The following CSMD1 variants were observed in gnomAD, a reference collection of about 807,000 sequenced individuals.
The protein encoded by CSMD1 is CUB and Sushi multiple domains 1.
In CSMD1, 213 loss-of-function variants were observed where a neutral mutation model predicts 417.5. The ratio of observed to expected loss-of-function variants is 0.51; its 90% confidence interval spans 0.46 to 0.57. The LOEUF (loss-of-function observed/expected upper bound fraction) is 0.57, where lower values mean the gene tolerates loss of function less well. CSMD1 is among the 20% of genes least tolerant of loss of function. The pLI is 0.00. For missense variants in CSMD1, 6,923 were observed against 4,529.7 expected (o/e 1.53, Z -15.17); for synonymous variants, 2,862 against 1,736.8 (o/e 1.65, Z -16.11).
intron 3 of CSMD1, among the ~76,000 whole-genome samples, chr8:4,332,499 C>A (rs980053428): frequency 2.7e-5 from 4 of 149,672 alleles, no homozygotes; most frequent in African/African-American, 9.8e-5. Flanking sequence ...AGGAGCTCTT[C>A]TTCTGGTTTT....
At chr8:3,400,606 G>T (rs1403327528) in intron 15 of CSMD1, among the ~76,000 whole-genome samples, 1 of 151,946 alleles carries the variant, frequency 6.6e-6, no homozygotes, top group Non-Finnish European at 1.5e-5. Context: ...AAATATATTT[G>T]AAGTAACGTT....
chr8:3,099,980 A>G (rs1815612993), intron 46 of CSMD1, among the ~76,000 whole-genome samples: 1 of 152,106 alleles, frequency 6.6e-6, no homozygotes, highest in Admixed American at 6.5e-5. Flanking sequence ...TACTTTTTTC[A>G]GTCATACATA....
At chr8:4,544,237 T>C (rs939383805) in intron 2 of CSMD1, among the ~76,000 whole-genome samples, 15 of 152,210 alleles carry the variant, frequency 9.9e-5, no homozygotes, top group South Asian at 2.1e-4. Flanking sequence ...TGTGTGGTTA[T>C]ATAGTCTCGC....
chr8:3,063,573 G>A (rs925013276), intron 49 of CSMD1, among the ~76,000 whole-genome samples: 2 of 152,142 alleles, frequency 1.3e-5, no homozygotes, highest in Non-Finnish European at 2.9e-5. Context: ...AAATATGAAA[G>A]CAATCGAAGT....
At chr8:3,983,040 G>A (rs188931849) in intron 5 of CSMD1, among the ~76,000 whole-genome samples, 23 of 152,136 alleles carry the variant, frequency 1.5e-4, no homozygotes, top group Admixed American at 3.3e-4. Flanking sequence ...ATGGGGCCGG[G>A]ATCCCAATCC....
At chr8:3,900,570 T>C (rs1229877222) in intron 5 of CSMD1, among the ~76,000 whole-genome samples, 1 of 151,934 alleles carries the variant, frequency 6.6e-6, no homozygotes, top group Non-Finnish European at 1.5e-5. Context: ...TGGGTGATAC[T>C]GTAGCTGGAT....
rs181630009 is a variant in CSMD1, at chr8:3,090,308, C to A, written c.7285+1208G>T. Among the ~76,000 whole-genome samples, 241 of 79,244 alleles carry A rather than the reference C, an allele frequency of 3.0e-3. 3 individuals are homozygous for A. In the East Asian group the frequency reaches 0.086, roughly 28 times the overall value. 52.0% of individuals were successfully genotyped at this position (79,244 alleles called of 152,430 possible). A position where few individuals can be genotyped will look rare whatever the true frequency, so the allele number is the denominator to read the frequency against. ...CTCCAGCCTGGGCAACAGAGCCAGA[C>A]TGTATTTCAAAAAAAAAAAAAAAAA... On this transcript the variant is annotated intron_variant, in intron 48 of 69. Coordinates refer to ENST00000635120, the MANE Select transcript of CSMD1 (RefSeq NM_033225.6).
chr8:3,151,577 A>C lies in CSMD1; in HGVS notation c.5915-64T>G. Reference sequence around the variant, plus strand: ...CTTTCTCCCTGGAATCTTTGCTCCAACCTGCTTCACTCAACTATGCTGAGA... The same window carrying C: ...CTTTCTCCCTGGAATCTTTGCTCCACCCTGCTTCACTCAACTATGCTGAGA... On this transcript the variant is annotated intron_variant, in intron 39 of 69. Transcript: ENST00000635120. 3.0e-6 allele frequency: 3 copies of C among 999,522 alleles called. 1 individual carries two copies. Among genetic ancestry groups the C allele is most frequent in the Middle Eastern group, 4.1e-4 (2 of 4,866 alleles). The allele number at this position is 999,522 out of a possible 1,614,324, so 61.9% of individuals were successfully genotyped here. A position where few individuals can be genotyped will look rare whatever the true frequency, so the allele number is the denominator to read the frequency against.
At chr8:4,426,075 A>G (rs1052968208) in intron 2 of CSMD1, among the ~76,000 whole-genome samples, 3 of 150,750 alleles carry the variant, frequency 2.0e-5, no homozygotes, top group African/African-American at 7.4e-5. Context: ...CCATAAATAA[A>G]AGGAATTATT....
At chr8:3,774,490 TTAAA>T (rs746481800) in intron 5 of CSMD1, among the ~76,000 whole-genome samples, 1 of 152,144 alleles carries the variant, frequency 6.6e-6, no homozygotes, top group African/African-American at 2.4e-5. Context: ...AGAGAGACGG[TTAAA>T]TAAATAAATA....
intron 3 of CSMD1, among the ~76,000 whole-genome samples, chr8:4,140,805 G>T (rs36077441): frequency 6.6e-6 from 1 of 150,478 alleles, no homozygotes; most frequent in Non-Finnish European, 1.5e-5. Flanking sequence ...TTTTCTAAGC[G>T]TGTAAATGGG....
At chr8:3,837,659 A>G (rs932504961) in intron 5 of CSMD1, among the ~76,000 whole-genome samples, 1 of 152,166 alleles carries the variant, frequency 6.6e-6, no homozygotes, top group Non-Finnish European at 1.5e-5. Flanking sequence ...ATCCCATCCT[A>G]CATAGGCACA....
intron 41 of CSMD1, among the ~76,000 whole-genome samples, chr8:3,140,327 T>TTCTCTC (rs531790394): frequency 7.5e-6 from 1 of 134,026 alleles, no homozygotes; most frequent in Admixed American, 7.5e-5. Flanking sequence ...CTCTCTGATG[T>TTCTCTC]TCTCTCTCTC....
intron 1 of CSMD1, among the ~76,000 whole-genome samples, chr8:4,705,139 A>G (rs2116836859): frequency 6.6e-6 from 1 of 152,204 alleles, no homozygotes; most frequent in Non-Finnish European, 1.5e-5. Context: ...CCACCTTGTG[A>G]AGAAGGTTCC....
intron 26 of CSMD1, 93 bp downstream of exon 26, chr8:3,284,050 TA>T: frequency 9.6e-7 from 1 of 1,043,408 alleles, no homozygotes; most frequent in Non-Finnish European, 1.4e-6. Context: ...TGCATCTGTG[TA>T]AGGAGACGCT....
At chr8:4,176,814 C>A (rs28553312) in intron 3 of CSMD1, among the ~76,000 whole-genome samples, 141,796 of 144,422 alleles carry the variant, frequency 0.98, 69,664 homozygotes, top group Middle Eastern at 1. Flanking sequence ...AAACCAACAA[C>A]GATCAAAAGA....
At chr8:4,003,907 C>G (rs1815899154) in intron 4 of CSMD1, among the ~76,000 whole-genome samples, 1 of 150,586 alleles carries the variant, frequency 6.6e-6, no homozygotes, top group Non-Finnish European at 1.5e-5. Flanking sequence ...TCACAGCTAC[C>G]AAAAGAGAAA....
chr8:4,088,738 G>C lies in CSMD1; in HGVS notation c.416-56639C>G, dbSNP rs187879196. Among the ~76,000 whole-genome samples the C allele has an allele frequency of 2.6e-4, 40 of 152,046 alleles. 1 individual carries two copies. In the Middle Eastern group the frequency reaches 0.014, roughly 52 times the overall value. On this transcript the variant is annotated intron_variant, in intron 3 of 69. Coordinates refer to ENST00000635120, the MANE Select transcript of CSMD1 (RefSeq NM_033225.6). ...AAAGCTCTGCAGGGACTTCTCTAAG[G>C]TGAGATCCCACCACCATTTATTCCA...
At chr8:3,233,929 A>C (rs999417524) in intron 26 of CSMD1, among the ~76,000 whole-genome samples, 1 of 152,122 alleles carries the variant, frequency 6.6e-6, no homozygotes, top group Non-Finnish European at 1.5e-5. Flanking sequence ...TCACCTACAG[A>C]CTAGTGTGAA....
Sources: allele counts gnomAD v4.1 joint callset (sites outside exome capture counted in the v4.1 genomes callset), GRCh38; gene constraint gnomAD v4.1.1; transcripts MANE v1.5; gene names NCBI Gene and HGNC (gene_info 2026-07-23, HGNC 2026-07-21).